DNAJC6: variants seen among roughly 807,000 people sequenced by gnomAD.
DNAJC6 encodes the protein DnaJ heat shock protein family (Hsp40) member C6.
A neutral mutation model predicts 110.0 loss-of-function variants in DNAJC6; 34 were observed. The observed-to-expected ratio is 0.31, with a 90% confidence interval of 0.24 to 0.41. The LOEUF (loss-of-function observed/expected upper bound fraction) is 0.41. Ranked by LOEUF, DNAJC6 falls within the 10% of genes least tolerant of loss-of-function variation. The probability of loss-of-function intolerance (pLI) is 1.00; values close to 1 mark genes in which losing one functional copy is unlikely to be tolerated. For missense variants in DNAJC6, 1,031 were observed against 1,207.8 expected (o/e 0.85, Z 2.17); for synonymous variants, 406 against 437.2 (o/e 0.93, Z 0.89).
intron 1 of DNAJC6, among the ~76,000 whole-genome samples, chr1:65,302,111 TATATA>T (rs1644987862): frequency 1.8e-5 from 1 of 54,126 alleles, no homozygotes; most frequent in Non-Finnish European, 2.7e-5. Flanking sequence ...ATATATAATA[TATATA>T]TATATATAAA....
chr1:65,355,446 T>C (rs776002652), intron 1 of DNAJC6, among the ~76,000 whole-genome samples: 10 of 152,122 alleles, frequency 6.6e-5, no homozygotes, highest in Non-Finnish European at 1.2e-4. Flanking sequence ...CTCTGTGGCC[T>C]CTGCCTGCCA....
chr1:65,338,296 C>G (rs564460732), intron 1 of DNAJC6, among the ~76,000 whole-genome samples: 2 of 152,178 alleles, frequency 1.3e-5, no homozygotes, highest in Non-Finnish European at 2.9e-5. Context: ...AATACACAGC[C>G]ACAGAATCAC....
chr1:65,379,006 G>A (rs760122978), intron 4 of DNAJC6, among the ~76,000 whole-genome samples: 5 of 152,160 alleles, frequency 3.3e-5, no homozygotes, highest in African/African-American at 7.2e-5. Flanking sequence ...ATGTTATCAC[G>A]AGAGCTGGGA....
intron 4 of DNAJC6, 76 bp downstream of exon 4, chr1:65,366,272 C>A: frequency 6.6e-7 from 1 of 1,518,418 alleles, no homozygotes. Context: ...ACCCTTAAAG[C>A]ACGTGCCCTT....
intron 18 of DNAJC6, 82 bp downstream of exon 18, chr1:65,411,508 C>T: frequency 2.2e-6 from 3 of 1,369,208 alleles, no homozygotes; most frequent in Non-Finnish European, 3.0e-6. Flanking sequence ...TTTAAATGTG[C>T]TGGTTCATAT....
upstream of DNAJC6, among the ~76,000 whole-genome samples, chr1:65,308,494 C>G (rs917806468): frequency 2.0e-5 from 3 of 152,136 alleles, no homozygotes; most frequent in Non-Finnish European, 4.4e-5. Flanking sequence ...TTAAGACTTA[C>G]CAGAGTTTAT....
At chr1:65,334,320 C>G (rs1645314790) in intron 1 of DNAJC6, among the ~76,000 whole-genome samples, 1 of 152,214 alleles carries the variant, frequency 6.6e-6, no homozygotes, top group Admixed American at 6.5e-5. Flanking sequence ...GAATGTAATG[C>G]ATGCAACTTT....
chr1:65,339,202 G>T (rs1376800054), intron 1 of DNAJC6, among the ~76,000 whole-genome samples: 3 of 152,152 alleles, frequency 2.0e-5, no homozygotes, highest in Non-Finnish European at 4.4e-5. Flanking sequence ...AAAAAATGAG[G>T]TGGATGTTGT....
chr1:65,267,803 C>A (rs191111741), intron 1 of DNAJC6, among the ~76,000 whole-genome samples: 12 of 152,098 alleles, frequency 7.9e-5, no homozygotes, highest in Admixed American at 5.2e-4. Flanking sequence ...AAGCCTAGTT[C>A]TTTGAGAGCA....
chr1:65,384,756 AT>A (rs1273321830), intron 6 of DNAJC6, among the ~76,000 whole-genome samples: 1 of 152,050 alleles, frequency 6.6e-6, no homozygotes, highest in Non-Finnish European at 1.5e-5. Flanking sequence ...GGGAGCTACA[AT>A]TCAAGATGAG....
chr1:65,376,011 C>T (rs1489382675), intron 4 of DNAJC6, among the ~76,000 whole-genome samples: 1 of 152,196 alleles, frequency 6.6e-6, no homozygotes, highest in Admixed American at 6.5e-5. Flanking sequence ...GTGAATCCGT[C>T]AGGACCTGGG....
At chr1:65,309,175 G>A (rs911661247), upstream of DNAJC6, among the ~76,000 whole-genome samples, 14 of 152,046 alleles carry the variant, frequency 9.2e-5, no homozygotes, top group African/African-American at 3.1e-4. Context: ...TTCGCAGGCC[G>A]AGATACCTCG....
At chr1:65,407,580 A>T (rs1255745957) in intron 16 of DNAJC6, among the ~76,000 whole-genome samples, 2 of 152,190 alleles carry the variant, frequency 1.3e-5, no homozygotes, top group Admixed American at 1.3e-4. Context: ...GTTGTCGGGG[A>T]TATGTAACAT....
intron 1 of DNAJC6, among the ~76,000 whole-genome samples, chr1:65,288,832 G>A (rs1480996812): frequency 6.6e-6 from 1 of 152,132 alleles, no homozygotes; most frequent in Non-Finnish European, 1.5e-5. Context: ...GACCCATTGT[G>A]TGGTAGTTGT....
chr1:65,282,255 T>C (rs972377162), intron 1 of DNAJC6, among the ~76,000 whole-genome samples: 1 of 152,090 alleles, frequency 6.6e-6, no homozygotes, highest in Non-Finnish European at 1.5e-5. Context: ...TTAGAAAAAA[T>C]TTTTTTCAAG....
Position 65,389,313 on chromosome 1 carries a change from A to G in DNAJC6, c.1251A>G (p.Thr417=). ...AATATCCTCAGCTATTTCAGGTGACACTGGATGTAGAACTACAGCCCCATG... is the reference window on the plus strand; with the variant it reads ...AATATCCTCAGCTATTTCAGGTGACGCTGGATGTAGAACTACAGCCCCATG... ...PEKYPQLFQV[T]LDVELQPHDK... is the part of the protein sequence containing the mutation. The change falls in exon 10 of 19, where the codon ACA becomes ACG. Residue 417 remains threonine (T), a synonymous_variant. Transcript: ENST00000371069. 1.2e-6 allele frequency: 2 copies of G among 1,614,166 alleles called. No individual in the cohort carries two copies. Among genetic ancestry groups the G allele is most frequent in the Non-Finnish European group, 1.7e-6 (2 of 1,180,008 alleles).
intron 1 of DNAJC6, among the ~76,000 whole-genome samples, chr1:65,346,507 CA>C (rs1465739691): frequency 6.6e-6 from 1 of 152,090 alleles, no homozygotes; most frequent in Admixed American, 6.5e-5. Flanking sequence ...TCTCATCTTC[CA>C]TCCCTCTCTA....
chr1:65,349,892 G>T (rs981577097), intron 1 of DNAJC6, among the ~76,000 whole-genome samples: 4 of 152,122 alleles, frequency 2.6e-5, no homozygotes, highest in African/African-American at 2.4e-5. Flanking sequence ...GCAATGTTTG[G>T]AGGTATTTTT....
chr1:65,381,077 C>G (rs1403419320), intron 5 of DNAJC6, among the ~76,000 whole-genome samples: 1 of 151,266 alleles, frequency 6.6e-6, no homozygotes, highest in Non-Finnish European at 1.5e-5. Context: ...CACCACCACA[C>G]CCAGATAATT....
Sources: gnomAD v4.1 joint callset for allele counts (sites outside exome capture counted in the v4.1 genomes callset) on GRCh38, gnomAD v4.1.1 for gene constraint, MANE v1.5 for transcripts, NCBI Gene and HGNC (gene_info 2026-07-23, HGNC 2026-07-21) for gene names.